The following RBFOX1 variants were observed in gnomAD, a reference collection of about 807,000 sequenced individuals.
RBFOX1 encodes RNA binding fox-1 homolog 1.
RBFOX1 carries 8 observed loss-of-function variants against 57.7 expected under a neutral mutation model. The observed-to-expected ratio is 0.14, with a 90% confidence interval of 0.08 to 0.25. The LOEUF is 0.25. Ranked by LOEUF, RBFOX1 falls within the 10% of genes least tolerant of loss-of-function variation. The probability of loss-of-function intolerance (pLI) is 1.00; values close to 1 mark genes in which losing one functional copy is unlikely to be tolerated. For synonymous variants in RBFOX1, 326 were observed against 222.4 expected, an observed-to-expected ratio of 1.47 and a Z score of -4.15; for missense variants, 611 against 548.5, an observed-to-expected ratio of 1.11 and a Z score of -1.14.
Position 6,994,984 on chromosome 16 carries a change from T to C in RBFOX1, c.-15-57073T>C, listed in dbSNP as rs1335656619. Among the ~76,000 whole-genome samples, 3 of 149,218 alleles carry C rather than the reference T, an allele frequency of 2.0e-5. No individual in the cohort carries two copies. In the East Asian group the frequency reaches 6.0e-4, roughly 30 times the overall value. ...GTGTGTGTGTGTGTGTTGGTCATTGTATTTAAAAATGTGTTTGCATACGTG... is the reference window on the plus strand; with the variant it reads ...GTGTGTGTGTGTGTGTTGGTCATTGCATTTAAAAATGTGTTTGCATACGTG... On this transcript the variant is annotated intron_variant, in intron 3 of 15. Transcript: ENST00000550418.
At chr16:5,793,851 T>C (rs1056328646) in intron 3 of RBFOX1, among the ~76,000 whole-genome samples, 25 of 152,228 alleles carry the variant, frequency 1.6e-4, no homozygotes, top group African/African-American at 5.8e-4. Flanking sequence ...TACTCACAAA[T>C]GTACTGGGAG....
intron 4 of RBFOX1, among the ~76,000 whole-genome samples, chr16:7,366,307 C>G (rs1043260043): frequency 4.6e-5 from 7 of 152,230 alleles, no homozygotes; most frequent in Admixed American, 6.5e-5. Context: ...TAGCCATTGC[C>G]AGATCGTTGA....
intron 4 of RBFOX1, among the ~76,000 whole-genome samples, chr16:7,183,057 A>G (rs2083037981): frequency 1.3e-5 from 2 of 152,300 alleles, no homozygotes; most frequent in Admixed American, 6.5e-5. Flanking sequence ...GCTTAAACAC[A>G]TGTATAAGTA....
At chr16:7,389,906 C>A (rs1211936424) in intron 4 of RBFOX1, among the ~76,000 whole-genome samples, 3 of 152,100 alleles carry the variant, frequency 2.0e-5, no homozygotes, top group Admixed American at 2.0e-4. Flanking sequence ...GTAGTCCATT[C>A]TCATACTGTT....
At chr16:6,425,586 G>C (rs1000834445) in intron 2 of RBFOX1, among the ~76,000 whole-genome samples, 1 of 151,954 alleles carries the variant, frequency 6.6e-6, no homozygotes, top group African/African-American at 2.4e-5. Flanking sequence ...TTTATCTACT[G>C]TATGTGGTTT....
chr16:7,221,013 G>C (rs1259183350), intron 4 of RBFOX1, among the ~76,000 whole-genome samples: 1 of 152,168 alleles, frequency 6.6e-6, no homozygotes, highest in Non-Finnish European at 1.5e-5. Context: ...CCAGCAATAA[G>C]AACTTAGTTT....
At chr16:6,828,746 C>T (rs942486358) in intron 3 of RBFOX1, among the ~76,000 whole-genome samples, 1 of 152,062 alleles carries the variant, frequency 6.6e-6, no homozygotes, top group Admixed American at 6.6e-5. Context: ...ATGAGCATAT[C>T]ACGAGGTCCT....
chr16:7,428,804 C>A (rs962394002), intron 4 of RBFOX1, among the ~76,000 whole-genome samples: 2 of 152,000 alleles, frequency 1.3e-5, no homozygotes, highest in African/African-American at 4.8e-5. Flanking sequence ...TTCACTTCCC[C>A]TCTCTGAGAC....
intron 2 of RBFOX1, among the ~76,000 whole-genome samples, chr16:6,578,617 A>ATGTGTGTGTGTGTGTGTGTG (rs1555570923): frequency 1.5e-4 from 1 of 6,528 alleles, no homozygotes; most frequent in Non-Finnish European, 4.9e-4. Context: ...GTGTGTGAGC[A>ATGTGTGTGTGTGTGTGTGTG]TGGGAGAAAC....
chr16:7,061,771 A>T (rs887239400), intron 4 of RBFOX1, among the ~76,000 whole-genome samples: 1 of 152,098 alleles, frequency 6.6e-6, no homozygotes, highest in Non-Finnish European at 1.5e-5. Flanking sequence ...TGTCATAGCT[A>T]CTCTTCATTT....
At chr16:7,636,923 A>T (rs1447493213) in intron 11 of RBFOX1, among the ~76,000 whole-genome samples, 3 of 152,150 alleles carry the variant, frequency 2.0e-5, no homozygotes, top group Admixed American at 6.6e-5. Flanking sequence ...GCCCACCCTC[A>T]GGACCTCATC....
intron 1 of RBFOX1, among the ~76,000 whole-genome samples, chr16:6,062,335 C>T (rs574913265): frequency 1.3e-5 from 2 of 152,090 alleles, no homozygotes; most frequent in South Asian, 2.1e-4. Flanking sequence ...ACAGAAAATT[C>T]CTACCCTCTA....
chr16:6,919,806 G>C (rs1220973917), intron 3 of RBFOX1, among the ~76,000 whole-genome samples: 3 of 121,878 alleles, frequency 2.5e-5, no homozygotes, highest in Non-Finnish European at 5.0e-5. Context: ...TATTTCAATA[G>C]TTCTGGGAGA....
chr16:6,119,566 A>G (rs562852985), intron 1 of RBFOX1, among the ~76,000 whole-genome samples: 1 of 152,310 alleles, frequency 6.6e-6, no homozygotes, highest in African/African-American at 2.4e-5. Flanking sequence ...TCATTGGAAC[A>G]CTTGTGTAAG....
At chr16:6,171,979 G>A (rs1488769235) in intron 1 of RBFOX1, among the ~76,000 whole-genome samples, 3 of 151,820 alleles carry the variant, frequency 2.0e-5, no homozygotes, top group African/African-American at 4.8e-5. Flanking sequence ...ATGCCTCCAC[G>A]CTTGGGTAAT....
Position 6,632,364 on chromosome 16 carries a change from G to A in RBFOX1, c.-63-22239G>A, listed in dbSNP as rs145122573. On this transcript the variant is annotated intron_variant, in intron 2 of 15. Transcript: ENST00000550418. ...AAAAAAAAAAAGGTCTGAACTTGTT[G>A]GAGAAACAAAAGGACCTCATAAACA... 1.6e-3 allele frequency among the ~76,000 whole-genome samples: 236 copies of A among 152,144 alleles called. 1 individual carries two copies. The highest frequency in any genetic ancestry group is 5.5e-3 in the African/African-American group (229 of 41,516).
At chr16:5,583,193 C>T (rs1164791504) in intron 2 of RBFOX1, among the ~76,000 whole-genome samples, 1 of 152,172 alleles carries the variant, frequency 6.6e-6, no homozygotes, top group Non-Finnish European at 1.5e-5. Context: ...AAAGCCAATA[C>T]CTGTGAACAT....
At chr16:6,276,114 C>G (rs1373485282) in intron 1 of RBFOX1, among the ~76,000 whole-genome samples, 1 of 152,134 alleles carries the variant, frequency 6.6e-6, no homozygotes, top group Admixed American at 6.5e-5. Context: ...AACATCATTT[C>G]TCATTAAATA....
intron 1 of RBFOX1, among the ~76,000 whole-genome samples, chr16:5,380,202 C>T (rs1482777537): frequency 6.6e-6 from 1 of 152,250 alleles, no homozygotes; most frequent in African/African-American, 2.4e-5. Context: ...GGCTGCTCAG[C>T]TTCCTCCATC....
Sources: gnomAD v4.1 joint callset for allele counts (sites outside exome capture counted in the v4.1 genomes callset) on GRCh38, gnomAD v4.1.1 for gene constraint, MANE v1.5 for transcripts, NCBI Gene and HGNC (gene_info 2026-07-23, HGNC 2026-07-21) for gene names.